Variants in SGSM1 observed in about 807,000 individuals in gnomAD.
SGSM1 encodes the protein small G protein signaling modulator 1.
A neutral mutation model predicts 133.8 loss-of-function variants in SGSM1; 73 were observed. The observed-to-expected ratio is 0.55, with a 90% CI of 0.45 to 0.66. The LOEUF is 0.66. SGSM1 is among the 30% of genes least tolerant of loss of function. SGSM1 has a pLI of 0.00. For missense variants in SGSM1, 1,213 were observed against 1,448.1 expected, an observed-to-expected ratio of 0.84 and a Z score of 2.64; for synonymous variants, 563 against 573.0, an observed-to-expected ratio of 0.98 and a Z score of 0.25.
In SGSM1 at chr22:24,887,107, TTG is replaced by T. The variant is rs60431385; in HGVS notation, c.1770+409_1770+410del. Among the ~76,000 whole-genome samples the T allele has an allele frequency of 6.4e-3, 932 of 145,188 alleles. 2 individuals carry two copies. Among genetic ancestry groups the T allele is most frequent in the East Asian group, 0.018 (87 of 4,848 alleles). On this transcript the variant is annotated intron_variant, in intron 16 of 24. Transcript: ENST00000400358. ...CTTTCCCAGTTTTACTTGTACTTAT[TTG>T]TGTGTGTGTGTGTGTGTGTGTGTGT...
intron 23 of SGSM1, among the ~76,000 whole-genome samples, chr22:24,918,495 C>A (rs1286237201): frequency 4.6e-4 from 64 of 139,052 alleles, no homozygotes; most frequent in Admixed American, 3.7e-4. Flanking sequence ...GACTCCATCT[C>A]AAAAAAAAAA....
chr22:24,809,791 A>G (rs1186551084), intron 2 of SGSM1, among the ~76,000 whole-genome samples: 8 of 152,176 alleles, frequency 5.3e-5, no homozygotes, highest in Admixed American at 1.3e-4. Flanking sequence ...TATCAAAATT[A>G]CAAGGATAAT....
At chr22:24,863,118 C>T (rs528201617) in intron 9 of SGSM1, among the ~76,000 whole-genome samples, 13 of 152,320 alleles carry the variant, frequency 8.5e-5, no homozygotes, top group African/African-American at 2.4e-4. Flanking sequence ...CATCATCTTT[C>T]GCTGTTGGTG....
At chr22:24,847,314 A>G (rs1290657301) in intron 3 of SGSM1, among the ~76,000 whole-genome samples, 2 of 152,202 alleles carry the variant, frequency 1.3e-5, no homozygotes, top group Non-Finnish European at 2.9e-5. Context: ...TGGTCAAGCT[A>G]TGCCCCCTGA....
intron 10 of SGSM1, 118 bp from the exon 11 acceptor site, chr22:24,868,258 C>T (rs1286623314): frequency 7.2e-7 from 1 of 1,397,028 alleles, no homozygotes; most frequent in Non-Finnish European, 9.6e-7. Flanking sequence ...CCCAGAGCCT[C>T]AGAGCAGGAT....
intron 2 of SGSM1, among the ~76,000 whole-genome samples, chr22:24,815,817 A>G (rs985193720): frequency 5.9e-5 from 9 of 152,176 alleles, no homozygotes; most frequent in Admixed American, 1.3e-4. Flanking sequence ...TTATGCAGTC[A>G]TGCTGGGTAA....
intron 2 of SGSM1, among the ~76,000 whole-genome samples, chr22:24,822,294 G>A (rs1264530280): frequency 6.6e-6 from 1 of 151,766 alleles, no homozygotes; most frequent in Non-Finnish European, 1.5e-5. Flanking sequence ...GGGTTTCACT[G>A]AGTTAGCCAG....
chr22:24,865,134 C>T (rs1456068079), intron 9 of SGSM1, among the ~76,000 whole-genome samples: 1 of 152,236 alleles, frequency 6.6e-6, no homozygotes, highest in Non-Finnish European at 1.5e-5. Context: ...TTGCTGATGG[C>T]TGGTGGTAGC....
chr22:24,816,404 CT>C (rs1223910304), intron 2 of SGSM1, among the ~76,000 whole-genome samples: 2 of 133,810 alleles, frequency 1.5e-5, no homozygotes, highest in African/African-American at 2.6e-5. Flanking sequence ...AAATTGATTT[CT>C]TTTTTTTCTT....
intron 16 of SGSM1, among the ~76,000 whole-genome samples, chr22:24,891,823 A>C (rs1932819094): frequency 6.6e-6 from 1 of 152,126 alleles, no homozygotes; most frequent in African/African-American, 2.4e-5. Context: ...AATTCTCAGA[A>C]GGAATTACTT....
At chr22:24,842,854 C>CAGCA (rs759127845) in intron 2 of SGSM1, among the ~76,000 whole-genome samples, 1 of 152,176 alleles carries the variant, frequency 6.6e-6, no homozygotes, top group Non-Finnish European at 1.5e-5. Context: ...GTTCTGTGCT[C>CAGCA]AGCACATGAT....
intron 2 of SGSM1, among the ~76,000 whole-genome samples, chr22:24,832,942 T>C (rs905368300): frequency 2.1e-5 from 2 of 95,480 alleles, no homozygotes; most frequent in Non-Finnish European, 4.7e-5. Flanking sequence ...AATTTCCTCT[T>C]TTTTTTTTTT....
chr22:24,848,436 C>T (rs1930275868), intron 4 of SGSM1, among the ~76,000 whole-genome samples: 1 of 152,120 alleles, frequency 6.6e-6, no homozygotes, highest in African/African-American at 2.4e-5. Flanking sequence ...AAAAAAAACT[C>T]TCATACTGAA....
intron 9 of SGSM1, among the ~76,000 whole-genome samples, chr22:24,864,766 A>G (rs992396062): frequency 2.6e-5 from 4 of 152,228 alleles, no homozygotes; most frequent in African/African-American, 9.6e-5. Flanking sequence ...TGGTTGCCCA[A>G]ATCTGTACAT....
intron 20 of SGSM1, among the ~76,000 whole-genome samples, chr22:24,904,875 T>C (rs1284443947): frequency 1.3e-5 from 2 of 152,072 alleles, no homozygotes; most frequent in Non-Finnish European, 2.9e-5. Context: ...GCAGGGTGCT[T>C]GTGCAAGTTT....
In SGSM1 at chr22:24,838,929, C is replaced by CA. The variant is rs139655; in HGVS notation, c.64-5958dup. On this transcript the variant is annotated intron_variant, in intron 2 of 24. Transcript: ENST00000400358. ...TTTAGGATAGATATTTATGTTTCTG[C>CA]AAAAAAAAAAGCACCATTGGGATTT... Among the ~76,000 whole-genome samples the CA allele has an allele frequency of 1.4e-3, 212 of 147,050 alleles. 1 individual carries two copies. The highest frequency in any genetic ancestry group is 3.5e-3 in the African/African-American group (140 of 40,318).
intron 19 of SGSM1, 40 bp downstream of exon 19, chr22:24,898,599 A>G: frequency 6.5e-7 from 1 of 1,539,570 alleles, no homozygotes; most frequent in Non-Finnish European, 8.8e-7. Context: ...CCTTCTTTCC[A>G]GCTGCAGGAG....
intron 21 of SGSM1, among the ~76,000 whole-genome samples, chr22:24,909,675 C>T (rs1215698843): frequency 2.0e-5 from 3 of 152,048 alleles, no homozygotes; most frequent in African/African-American, 7.2e-5. Flanking sequence ...ATGCTGGTCT[C>T]GAACTCCTGA....
intron 22 of SGSM1, among the ~76,000 whole-genome samples, chr22:24,913,262 C>T (rs181137118): frequency 6.2e-5 from 9 of 145,724 alleles, no homozygotes; most frequent in East Asian, 4.0e-4. Flanking sequence ...CACTGCACTC[C>T]AGCCTGGGCG....
Sources: allele counts gnomAD v4.1 joint callset (sites outside exome capture counted in the v4.1 genomes callset), GRCh38; gene constraint gnomAD v4.1.1; transcripts MANE v1.5; gene names NCBI Gene and HGNC (gene_info 2026-07-23, HGNC 2026-07-21).